The following LGR4 variants were observed in gnomAD, a reference collection of about 807,000 sequenced individuals.
LGR4 encodes leucine-rich repeat-containing G protein-coupled receptor 4.
A neutral mutation model predicts 84.8 loss-of-function variants in LGR4; 44 were observed. The observed-to-expected ratio is 0.52, with a 90% CI of 0.41 to 0.67. The LOEUF is 0.67. LGR4 is among the 30% of genes least tolerant of loss of function. The pLI is 0.00. For missense variants in LGR4, 1,032 were observed against 1,131.4 expected, an observed-to-expected ratio of 0.91 and a Z score of 1.26; for synonymous variants, 429 against 434.3, an observed-to-expected ratio of 0.99 and a Z score of 0.15.
At chr11:27,468,165 T>A (rs184904411) in intron 1 of LGR4, among the ~76,000 whole-genome samples, 1 of 152,290 alleles carries the variant, frequency 6.6e-6, no homozygotes, top group Non-Finnish European at 1.5e-5. Context: ...AAAAGGAGAT[T>A]CTTTAAAAAC....
At chr11:27,370,962 C>T (rs914020888) in intron 17 of LGR4, among the ~76,000 whole-genome samples, 4 of 152,028 alleles carry the variant, frequency 2.6e-5, no homozygotes, top group East Asian at 3.9e-4. Flanking sequence ...AAAATACATA[C>T]GCAGCCCCTT....
Position 27,368,769 on chromosome 11 carries a change from T to C in LGR4, c.1954A>G (p.Lys652Glu). 1 of 1,613,996 alleles carries C rather than the reference T, an allele frequency of 6.2e-7. No individual in the cohort carries two copies. The highest frequency in any genetic ancestry group is 8.5e-7 in the Non-Finnish European group (1 of 1,179,964). Residue 652 changes from lysine (K) to glutamate (E), a missense_variant, in exon 18 of 18, where the codon AAA (lysine) becomes GAA (glutamate). Lys to Glu is a moderately conservative substitution (Grantham distance 56). Coordinates refer to ENST00000379214, the MANE Select transcript of LGR4 (RefSeq NM_018490.5). ...ERSLSAKDIM[K>E]NGKSNHLKQF... ...TTGAGATGATTGCTCTTCCCATTTTTCATTATATCTTTTGCAGATAAGCTT... is the reference window on the plus strand; with the variant it reads ...TTGAGATGATTGCTCTTCCCATTTTCCATTATATCTTTTGCAGATAAGCTT...
intron 1 of LGR4, among the ~76,000 whole-genome samples, chr11:27,451,274 G>A (rs1440946931): frequency 6.6e-6 from 1 of 152,120 alleles, no homozygotes; most frequent in African/African-American, 2.4e-5. Context: ...CTATTTTAAT[G>A]AAGAGTACCC....
rs1862826822 is a variant in LGR4, at chr11:27,368,842, G to T, written c.1881C>A (p.Phe627Leu). Residue 627 changes from phenylalanine to leucine, a missense_variant, in exon 18 of 18, where the codon TTC becomes TTA. Physicochemically the swap from Phe to Leu is conservative, Grantham distance 22 (BLOSUM62 0). Coordinates refer to ENST00000379214, the MANE Select transcript of LGR4 (RefSeq NM_018490.5). The part of the protein sequence containing the change: ...GCKVAGFLAV[F>L]SSESAIFLLM... ...ATAAAAATATGGCACTTTCTGAGGAGAAAACTGCAAGAAACCCAGCTACTT... is the reference window on the plus strand; with the variant it reads ...ATAAAAATATGGCACTTTCTGAGGATAAAACTGCAAGAAACCCAGCTACTT... 1 of 1,614,134 alleles carries T rather than the reference G, an allele frequency of 6.2e-7. No homozygotes were observed. The highest frequency in any genetic ancestry group is 8.5e-7 in the Non-Finnish European group (1 of 1,180,024).
intron 2 of LGR4, 113 bp from the exon 3 acceptor site, chr11:27,392,631 G>T: frequency 1.2e-6 from 1 of 851,822 alleles, no homozygotes; most frequent in Non-Finnish European, 1.8e-6. Context: ...CATTTCTCAA[G>T]TCTATCTGAC....
At chr11:27,428,732 C>A (rs191919606) in intron 1 of LGR4, among the ~76,000 whole-genome samples, 2 of 152,214 alleles carry the variant, frequency 1.3e-5, no homozygotes, top group African/African-American at 4.8e-5. Context: ...AAAAGGTGAA[C>A]TTTTCTTTCT....
intron 1 of LGR4, among the ~76,000 whole-genome samples, chr11:27,428,177 A>T (rs1357442135): frequency 6.7e-6 from 1 of 150,252 alleles, no homozygotes; most frequent in Non-Finnish European, 1.5e-5. Context: ...AGATGCAGTC[A>T]CCCAGGCAGG....
At chr11:27,454,241 T>A (rs1377288918) in intron 1 of LGR4, among the ~76,000 whole-genome samples, 7 of 152,200 alleles carry the variant, frequency 4.6e-5, no homozygotes, top group African/African-American at 1.7e-4. Context: ...ACCCATGTCA[T>A]CTCACAGGTA....
chr11:27,405,665 T>C (rs557920554), intron 2 of LGR4, among the ~76,000 whole-genome samples: 1 of 152,278 alleles, frequency 6.6e-6, no homozygotes, highest in South Asian at 2.1e-4. Flanking sequence ...ACCAGACTCC[T>C]GGTAATCTTA....
intron 4 of LGR4, among the ~76,000 whole-genome samples, chr11:27,385,910 T>C (rs1863178957): frequency 6.6e-6 from 1 of 152,094 alleles, no homozygotes; most frequent in South Asian, 2.1e-4. Flanking sequence ...GTTGCTACTC[T>C]GATTCTGTAC....
chr11:27,409,675 T>G (rs1419998974), intron 2 of LGR4, among the ~76,000 whole-genome samples: 1 of 152,142 alleles, frequency 6.6e-6, no homozygotes, highest in Non-Finnish European at 1.5e-5. Flanking sequence ...TTTTTCCATA[T>G]GTACCCTTTA....
At chr11:27,458,235 A>G (rs888552818) in intron 1 of LGR4, among the ~76,000 whole-genome samples, 1 of 152,212 alleles carries the variant, frequency 6.6e-6, no homozygotes, top group East Asian at 1.9e-4. Flanking sequence ...AAAAGGTTAC[A>G]TTGTTTTATT....
intron 2 of LGR4, among the ~76,000 whole-genome samples, chr11:27,398,875 C>T (rs1235661933): frequency 6.6e-6 from 1 of 152,114 alleles, no homozygotes; most frequent in Non-Finnish European, 1.5e-5. Context: ...TACCCCTCAG[C>T]AATGTTTTCT....
Position 27,380,657 on chromosome 11 carries a change from T to C in LGR4, c.885A>G (p.Leu295=), listed in dbSNP as rs1863075201. The part of the protein sequence containing the change: ...SFVGNSAFHN[L]SDLHSLVIRG... ...ATACTTACAGGGAATGAAGATCAGA[T>C]AAATTGTGAAATGCTGAGTTCCCCA... The change falls in exon 9 of 18, where the codon TTA becomes TTG. Residue 295 remains leucine, a synonymous_variant. Coordinates refer to ENST00000379214, the MANE Select transcript of LGR4 (RefSeq NM_018490.5). The C allele has an allele frequency of 6.3e-7, 1 of 1,589,066 alleles. No homozygotes were observed. Among genetic ancestry groups the C allele is most frequent in the Non-Finnish European group, 8.6e-7 (1 of 1,158,888 alleles).
intron 15 of LGR4, 126 bp downstream of exon 15, chr11:27,373,425 C>T (rs528495463): frequency 5.1e-5 from 44 of 858,254 alleles, no homozygotes; most frequent in East Asian, 3.2e-4. Context: ...CAAAGACTGA[C>T]GTAGAAAACA....
At chr11:27,378,160 T>C (rs1397923980) in intron 11 of LGR4, among the ~76,000 whole-genome samples, 1 of 152,224 alleles carries the variant, frequency 6.6e-6, no homozygotes, top group Non-Finnish European at 1.5e-5. Context: ...TGACTTTACT[T>C]GCTTAATCAA....
chr11:27,383,666 A>G (rs916224306), intron 6 of LGR4, among the ~76,000 whole-genome samples: 11 of 152,202 alleles, frequency 7.2e-5, no homozygotes, highest in African/African-American at 2.4e-4. Flanking sequence ...CACCCATGTA[A>G]TTGGGACCTT....
chr11:27,380,491 T>A (rs1051227374), intron 9 of LGR4, 149 bp downstream of exon 9: 1 of 733,416 alleles, frequency 1.4e-6, no homozygotes, highest in African/African-American at 1.8e-5. Flanking sequence ...TGGCAAAGTA[T>A]TCACAAAAAT....
rs1172931607 is a variant in LGR4, at chr11:27,366,129, TTTC to T, written c.*1735_*1737del. ...TTGGAAAAAACCTTTTAATTAGGAGTTTCTTACCAAGTTATGATTTAATATTTA... is the reference window on the plus strand; with the variant it reads ...TTGGAAAAAACCTTTTAATTAGGAGTTTACCAAGTTATGATTTAATATTTA... On this transcript the variant is annotated 3_prime_UTR_variant, in exon 18 of 18. Transcript: ENST00000379214. The T allele has an allele frequency of 6.6e-6, 1 of 152,424 alleles. No individual in the cohort carries two copies. The highest frequency in any genetic ancestry group is 1.5e-5 in the Non-Finnish European group (1 of 67,938). The allele number at this position is 152,424 out of a possible 1,614,324, so 9.4% of individuals were successfully genotyped here.
Sources: gnomAD v4.1 joint callset for allele counts (sites outside exome capture counted in the v4.1 genomes callset) on GRCh38, gnomAD v4.1.1 for gene constraint, MANE v1.5 for transcripts, NCBI Gene and HGNC (gene_info 2026-07-23, HGNC 2026-07-21) for gene names.